Variants in CELF4 observed in about 807,000 individuals in gnomAD.
CELF4 encodes the protein CUGBP Elav-like family member 4, also known as CUG-BP- and ETR-3-like factor 4.
Under a neutral mutation model 59.9 loss-of-function variants are expected in CELF4, and 18 were observed. That is an observed-to-expected ratio of 0.30 (90% CI 0.21 to 0.45). CELF4 has a LOEUF of 0.45. Among genes scored for constraint, CELF4 ranks in the 20% least tolerant of loss-of-function variants. The probability of loss-of-function intolerance (pLI) is 1.00; values close to 1 mark genes in which losing one functional copy is unlikely to be tolerated. For missense variants in CELF4, 456 were observed against 689.0 expected (o/e 0.66, Z 3.79); for synonymous variants, 261 against 267.1 (o/e 0.98, Z 0.22).
chr18:37,278,840 C>T (rs1435288102), intron 3 of CELF4, among the ~76,000 whole-genome samples: 1 of 152,218 alleles, frequency 6.6e-6, no homozygotes, highest in Non-Finnish European at 1.5e-5. Context: ...GAGGCTGTGG[C>T]TGGCCAGCTG....
chr18:37,284,088 A>G (rs1160335698), intron 3 of CELF4, among the ~76,000 whole-genome samples: 1 of 145,070 alleles, frequency 6.9e-6, no homozygotes, highest in Non-Finnish European at 1.5e-5. Context: ...CATACACACT[A>G]ACATACACAC....
At chr18:37,426,183 C>T (rs74694877) in intron 2 of CELF4, among the ~76,000 whole-genome samples, 2,564 of 152,244 alleles carry the variant, frequency 0.017, 77 homozygotes, top group African/African-American at 0.059. Flanking sequence ...GAGGATGATA[C>T]GGGGGAAGGG....
At chr18:37,354,345 C>T (rs1167190957) in intron 2 of CELF4, among the ~76,000 whole-genome samples, 1 of 151,996 alleles carries the variant, frequency 6.6e-6, no homozygotes, top group Non-Finnish European at 1.5e-5. Flanking sequence ...CCTCCAAGTT[C>T]ATTGCTGGGG....
chr18:37,536,194 A>C (rs985331529), intron 1 of CELF4, among the ~76,000 whole-genome samples: 4 of 147,434 alleles, frequency 2.7e-5, no homozygotes, highest in Non-Finnish European at 6.0e-5. Flanking sequence ...CAATGAGGGG[A>C]GGTGGGAGGA....
chr18:37,441,367 T>C (rs1351679070), intron 2 of CELF4, among the ~76,000 whole-genome samples: 1 of 150,604 alleles, frequency 6.6e-6, no homozygotes, highest in Non-Finnish European at 1.5e-5. Flanking sequence ...GTAAGTGCAT[T>C]AGTGGCTGGG....
intron 2 of CELF4, among the ~76,000 whole-genome samples, chr18:37,435,095 C>A (rs933558956): frequency 1.3e-5 from 2 of 152,118 alleles, no homozygotes; most frequent in African/African-American, 4.8e-5. Context: ...CTGGGTTCCC[C>A]TTTGGGGGTA....
intron 1 of CELF4, among the ~76,000 whole-genome samples, chr18:37,523,751 G>C (rs538523660): frequency 6.6e-6 from 1 of 152,356 alleles, no homozygotes; most frequent in South Asian, 2.1e-4. Context: ...CATGCCACCA[G>C]TCCCTTCTGG....
At chr18:37,557,236 C>T (rs190835085) in intron 1 of CELF4, among the ~76,000 whole-genome samples, 150 of 152,334 alleles carry the variant, frequency 9.8e-4, no homozygotes, top group Non-Finnish European at 1.9e-3. Flanking sequence ...TATGTGCATG[C>T]ACACACACCC....
chr18:37,308,574 G>A lies in CELF4; in HGVS notation c.448+13229C>T, dbSNP rs555976217. 4.6e-5 allele frequency among the ~76,000 whole-genome samples: 7 copies of A among 152,314 alleles called. No homozygotes were observed. In the South Asian group the frequency reaches 1.0e-3, roughly 23 times the overall value. ...CTTCTCTAGGGCCCAGAGCACAGAG[G>A]AGGCTTGAAGACATCTCCTCCATGT... On this transcript the variant is annotated intron_variant, in intron 3 of 12. Coordinates refer to ENST00000420428, the MANE Select transcript of CELF4 (RefSeq NM_020180.4).
Position 37,246,315 on chromosome 18 carries a change from A to C in CELF4, c.*45-1118T>G, listed in dbSNP as rs1480823785. 6.6e-6 allele frequency among the ~76,000 whole-genome samples: 1 copy of C among 152,176 alleles called. No homozygotes were observed. Among genetic ancestry groups the C allele is most frequent in the African/African-American group, 2.4e-5 (1 of 41,444 alleles). ...AAATAAAATAATAATAAAATTAAAA[A>C]ACACTTGTCAAGGACCCTTTTTCAG... is the stretch of plus-strand genomic sequence containing the variant. On this transcript the variant is annotated intron_variant, in intron 12 of 12. Coordinates refer to ENST00000420428, the MANE Select transcript of CELF4 (RefSeq NM_020180.4). This position sits in a 1 kb window ranked among gnomAD's most constrained non-coding sequence, Gnocchi z 5.3.
intron 2 of CELF4, among the ~76,000 whole-genome samples, chr18:37,434,850 C>T (rs753522305): frequency 3.9e-5 from 6 of 152,170 alleles, no homozygotes; most frequent in Non-Finnish European, 7.4e-5. Flanking sequence ...CCTAAGTACA[C>T]CCTCAAACAC....
chr18:37,476,575 C>T (rs921365110), intron 2 of CELF4, among the ~76,000 whole-genome samples: 3 of 152,216 alleles, frequency 2.0e-5, no homozygotes, highest in African/African-American at 7.2e-5. Context: ...CTATTATCAC[C>T]CAGGCTTGCC....
intron 1 of CELF4, 105 bp from the exon 2 acceptor site, chr18:37,485,712 G>A: frequency 1.8e-6 from 1 of 559,144 alleles, no homozygotes; most frequent in South Asian, 6.4e-5. Context: ...CTGCCGCTCG[G>A]TCCCTGTCCC....
rs1207311059 is a variant in CELF4, at chr18:37,506,203, T to TG, written c.287-20597dup. ...GCGATGCTCCTGCAAAGCCATCCCT[T>TG]GCGTCCCATTACCCACCCCAATAAC... On this transcript the variant is annotated intron_variant, in intron 1 of 12. Coordinates refer to ENST00000420428, the MANE Select transcript of CELF4 (RefSeq NM_020180.4). Among the ~76,000 whole-genome samples the TG allele has an allele frequency of 3.3e-4, 50 of 152,324 alleles. 1 individual carries two copies. In the East Asian group the frequency reaches 9.3e-3, roughly 28 times the overall value.
In CELF4 at chr18:37,427,308, T is replaced by C. The variant is rs190588353; in HGVS notation, c.369+58217A>G. Among the ~76,000 whole-genome samples the C allele has an allele frequency of 3.3e-3, 498 of 152,208 alleles. 2 individuals carry two copies. Among genetic ancestry groups the C allele is most frequent in the Non-Finnish European group, 3.6e-3 (245 of 68,000 alleles). ...TAGCCCAGGCAGGAAATAGCACAGG[T>C]GGCTATGGTGGTGAACAACAGGGGC... On this transcript the variant is annotated intron_variant, in intron 2 of 12. Coordinates refer to ENST00000420428, the MANE Select transcript of CELF4 (RefSeq NM_020180.4).
intron 1 of CELF4, among the ~76,000 whole-genome samples, chr18:37,499,901 A>G (rs1261557251): frequency 6.6e-6 from 1 of 152,210 alleles, no homozygotes; most frequent in East Asian, 1.9e-4. Context: ...GGAGTGGGGC[A>G]TGGGAAGTAC....
intron 2 of CELF4, among the ~76,000 whole-genome samples, chr18:37,476,351 T>G (rs2099848973): frequency 6.6e-6 from 1 of 152,198 alleles, no homozygotes; most frequent in African/African-American, 2.4e-5. Context: ...CTGTGCTCCT[T>G]CAGCCACCAG....
chr18:37,514,859 CG>C (rs2099948861), intron 1 of CELF4, among the ~76,000 whole-genome samples: 1 of 151,286 alleles, frequency 6.6e-6, no homozygotes, highest in African/African-American at 2.4e-5. Flanking sequence ...TTAACTGGAC[CG>C]GGTGGAAATT....
chr18:37,558,807 G>A (rs1006883180), intron 1 of CELF4, among the ~76,000 whole-genome samples: 4 of 66,168 alleles, frequency 6.0e-5, no homozygotes, highest in East Asian at 3.8e-4. Context: ...CTGTCAGGTC[G>A]TGTGTGTGTG....
Sources: gnomAD v4.1 joint callset for allele counts (sites outside exome capture counted in the v4.1 genomes callset) on GRCh38, gnomAD v4.1.1 for gene constraint, Gnocchi (gnomAD v3.1) non-coding constraint, MANE v1.5 for transcripts, NCBI Gene and HGNC (gene_info 2026-07-23, HGNC 2026-07-21) for gene names.